BMPR1B: variants seen among roughly 807,000 people sequenced by gnomAD.
The protein encoded by BMPR1B is bone morphogenetic protein receptor type-1B.
A neutral mutation model predicts 59.1 loss-of-function variants in BMPR1B; 12 were observed. That is an observed-to-expected ratio of 0.20 (90% CI 0.13 to 0.33). BMPR1B has a LOEUF of 0.33. BMPR1B is among the 10% of genes least tolerant of loss of function. The pLI is 1.00. For missense variants in BMPR1B, 550 were observed against 610.9 expected (o/e 0.90, Z 1.05); for synonymous variants, 237 against 207.3 (o/e 1.14, Z -1.23).
At chr4:94,962,070 T>C (rs370869443) in intron 2 of BMPR1B, among the ~76,000 whole-genome samples, 1 of 126,886 alleles carries the variant, frequency 7.9e-6, no homozygotes, top group Admixed American at 8.0e-5. Context: ...TTCTTTCTTT[T>C]CTTTCCTTCC....
chr4:94,766,852 G>C (rs1721989488), intron 1 of BMPR1B, among the ~76,000 whole-genome samples: 1 of 152,000 alleles, frequency 6.6e-6, no homozygotes, highest in South Asian at 2.1e-4. Context: ...CTGGCCTTCA[G>C]ATGATTGGTA....
At chr4:95,068,106 G>T (rs1560629431) in intron 3 of BMPR1B, among the ~76,000 whole-genome samples, 1 of 152,198 alleles carries the variant, frequency 6.6e-6, no homozygotes, top group Non-Finnish European at 1.5e-5. Context: ...GCTAAGTTGA[G>T]ATTTTAAACA....
chr4:95,008,224 G>A (rs545468837), intron 3 of BMPR1B, among the ~76,000 whole-genome samples: 8 of 152,290 alleles, frequency 5.3e-5, no homozygotes, highest in South Asian at 2.1e-4. Context: ...TGATGACAGC[G>A]TGACTATGTA....
chr4:95,030,728 A>G (rs1197990208), intron 3 of BMPR1B, among the ~76,000 whole-genome samples: 1 of 151,988 alleles, frequency 6.6e-6, no homozygotes, highest in Non-Finnish European at 1.5e-5. Flanking sequence ...CACCAATAAC[A>G]GACAAACAGA....
chr4:95,119,717 G>C (rs6815866), intron 6 of BMPR1B, among the ~76,000 whole-genome samples: 137,638 of 152,124 alleles, frequency 0.9, 62,637 homozygotes, highest in Middle Eastern at 0.98. Flanking sequence ...TTTTCAGATG[G>C]AGATTACTTT....
chr4:95,075,713 G>C (rs28733699), intron 3 of BMPR1B, among the ~76,000 whole-genome samples: 2,592 of 149,380 alleles, frequency 0.017, 76 homozygotes, highest in African/African-American at 0.061. Context: ...TATTTTTTGA[G>C]AGAATTTTCA....
At chr4:95,030,724 T>C (rs1578958362) in intron 3 of BMPR1B, among the ~76,000 whole-genome samples, 1 of 151,970 alleles carries the variant, frequency 6.6e-6, no homozygotes, top group African/African-American at 2.4e-5. Flanking sequence ...TATACACCAA[T>C]AACAGACAAA....
intron 2 of BMPR1B, among the ~76,000 whole-genome samples, chr4:94,968,158 C>T (rs369947152): frequency 2.0e-5 from 3 of 152,130 alleles, no homozygotes; most frequent in African/African-American, 4.8e-5. Context: ...CTTAACAATA[C>T]TTTCCTTGGT....
At chr4:95,030,295 A>G (rs1345324746) in intron 3 of BMPR1B, among the ~76,000 whole-genome samples, 4 of 152,138 alleles carry the variant, frequency 2.6e-5, no homozygotes, top group African/African-American at 9.7e-5. Context: ...ATTTTTGTAT[A>G]AGGTGTAAGG....
At chr4:94,807,121 G>A (rs970804925) in intron 1 of BMPR1B, among the ~76,000 whole-genome samples, 2 of 152,102 alleles carry the variant, frequency 1.3e-5, no homozygotes, top group African/African-American at 4.8e-5. Context: ...TAGAGACAGA[G>A]TCTCACTCTG....
intron 1 of BMPR1B, among the ~76,000 whole-genome samples, chr4:94,859,785 T>C (rs1725907235): frequency 6.6e-6 from 1 of 152,104 alleles, no homozygotes; most frequent in East Asian, 1.9e-4. Flanking sequence ...AATAGCAAAA[T>C]ATTTTTGTAA....
intron 1 of BMPR1B, among the ~76,000 whole-genome samples, chr4:94,817,711 T>G (rs755024276): frequency 6.6e-6 from 1 of 152,152 alleles, no homozygotes; most frequent in Admixed American, 6.6e-5. Context: ...GGGTGAGAGA[T>G]AGTGTCTGCC....
intron 2 of BMPR1B, among the ~76,000 whole-genome samples, chr4:94,977,817 A>G (rs1327334577): frequency 6.6e-6 from 1 of 152,218 alleles, no homozygotes; most frequent in East Asian, 1.9e-4. Context: ...AGATTGCACC[A>G]CTGCATTCCA....
At chr4:95,041,586 T>TG (rs1375834636) in intron 3 of BMPR1B, among the ~76,000 whole-genome samples, 2 of 150,438 alleles carry the variant, frequency 1.3e-5, no homozygotes, top group African/African-American at 4.9e-5. Flanking sequence ...CCCAGATTCT[T>TG]GGAGTCCTCC....
chr4:94,843,587 A>G (rs1380016378), intron 1 of BMPR1B, among the ~76,000 whole-genome samples: 1 of 152,028 alleles, frequency 6.6e-6, no homozygotes, highest in African/African-American at 2.4e-5. Flanking sequence ...AGAGACCTTT[A>G]TTTTAGTTAA....
At chr4:94,974,781 A>G (rs1730950013) in intron 2 of BMPR1B, among the ~76,000 whole-genome samples, 1 of 152,208 alleles carries the variant, frequency 6.6e-6, no homozygotes. Context: ...AGGGAACATA[A>G]TAAGCATTCA....
intron 2 of BMPR1B, among the ~76,000 whole-genome samples, chr4:94,914,829 A>G (rs1054903966): frequency 6.6e-6 from 1 of 152,182 alleles, no homozygotes; most frequent in Non-Finnish European, 1.5e-5. Context: ...AAGTGAAAAC[A>G]TTTCATCTCA....
intron 10 of BMPR1B, among the ~76,000 whole-genome samples, chr4:95,148,053 G>C (rs909973924): frequency 6.6e-6 from 1 of 151,956 alleles, no homozygotes; most frequent in Non-Finnish European, 1.5e-5. Context: ...GAAAAAAAAA[G>C]TTAAATGCTA....
intron 2 of BMPR1B, among the ~76,000 whole-genome samples, chr4:94,952,261 C>T (rs559315669): frequency 6.6e-6 from 1 of 152,278 alleles, no homozygotes; most frequent in South Asian, 2.1e-4. Flanking sequence ...CTGTCTCCTT[C>T]AGTTCTGCTC....
Sources: allele counts gnomAD v4.1 joint callset (sites outside exome capture counted in the v4.1 genomes callset), GRCh38; gene constraint gnomAD v4.1.1; transcripts MANE v1.5; gene names NCBI Gene and HGNC (gene_info 2026-07-23, HGNC 2026-07-21).